FER: variants seen among roughly 807,000 people sequenced by gnomAD.
FER encodes the protein tyrosine-protein kinase Fer.
A neutral mutation model predicts 111.0 loss-of-function variants in FER; 63 were observed. The observed-to-expected ratio is 0.57, with a 90% CI of 0.46 to 0.70. The LOEUF (loss-of-function observed/expected upper bound fraction) is 0.70. Ranked by LOEUF, FER falls within the 30% of genes least tolerant of loss-of-function variation. The pLI, the probability that FER is intolerant of heterozygous loss-of-function variation, is 0.00. For synonymous variants in FER, 327 were observed against 313.9 expected (o/e 1.04, Z -0.44); for missense variants, 914 against 954.0 (o/e 0.96, Z 0.55).
At chr5:108,796,162 T>C (rs771345926) in intron 2 of FER, among the ~76,000 whole-genome samples, 2 of 152,228 alleles carry the variant, frequency 1.3e-5, no homozygotes. Context: ...GGATAAGATC[T>C]GGGAGGATTC....
At chr5:108,782,060 C>G (rs1212829641) in intron 2 of FER, among the ~76,000 whole-genome samples, 1 of 152,058 alleles carries the variant, frequency 6.6e-6, no homozygotes, top group Non-Finnish European at 1.5e-5. Context: ...TGGCACTGAG[C>G]CTTCAGCAGT....
chr5:108,896,310 G>C (rs2150323795), intron 9 of FER, among the ~76,000 whole-genome samples: 1 of 152,194 alleles, frequency 6.6e-6, no homozygotes, highest in East Asian at 1.9e-4. Flanking sequence ...TTTCTTTCAA[G>C]AGATTACTGA....
intron 13 of FER, among the ~76,000 whole-genome samples, chr5:108,986,945 G>T (rs1762639468): frequency 6.6e-6 from 1 of 150,986 alleles, no homozygotes; most frequent in Non-Finnish European, 1.5e-5. Flanking sequence ...TTGCTTCCAT[G>T]TGAGTTTTAG....
At chr5:109,148,166 A>G (rs1043312760) in intron 17 of FER, among the ~76,000 whole-genome samples, 1 of 151,932 alleles carries the variant, frequency 6.6e-6, no homozygotes, top group African/African-American at 2.4e-5. Flanking sequence ...TGCAACTCCA[A>G]CTCTCCAGTG....
intron 6 of FER, among the ~76,000 whole-genome samples, chr5:108,869,974 T>C (rs1401332799): frequency 6.6e-6 from 1 of 152,170 alleles, no homozygotes; most frequent in East Asian, 1.9e-4. Flanking sequence ...AATGTCTAGT[T>C]AAATATTTGA....
At chr5:108,857,415 A>G (rs1442031410) in intron 5 of FER, among the ~76,000 whole-genome samples, 2 of 152,150 alleles carry the variant, frequency 1.3e-5, no homozygotes, top group African/African-American at 4.8e-5. Flanking sequence ...CCATGATGTC[A>G]GTTCATCCCA....
intron 13 of FER, among the ~76,000 whole-genome samples, chr5:108,978,614 C>T (rs896304810): frequency 4.0e-5 from 6 of 151,830 alleles, no homozygotes; most frequent in African/African-American, 1.2e-4. Context: ...TTGTGAAGTC[C>T]GGGAGTATAT....
At chr5:109,136,253 A>G (rs1267713805) in intron 17 of FER, among the ~76,000 whole-genome samples, 2 of 152,062 alleles carry the variant, frequency 1.3e-5, no homozygotes, top group African/African-American at 2.4e-5. Flanking sequence ...AGATCACGCC[A>G]CTGTACTCCA....
intron 16 of FER, among the ~76,000 whole-genome samples, chr5:109,073,845 T>G (rs1470018411): frequency 2.6e-5 from 4 of 152,126 alleles, no homozygotes; most frequent in African/African-American, 4.8e-5. Context: ...GTCAACTATA[T>G]TACACTACAT....
intron 13 of FER, among the ~76,000 whole-genome samples, chr5:108,960,640 G>A (rs1272999264): frequency 6.6e-6 from 1 of 151,900 alleles, no homozygotes; most frequent in Non-Finnish European, 1.5e-5. Context: ...TTTAGTCAAA[G>A]CAATCTATTC....
At chr5:109,140,464 A>G (rs960826792) in intron 17 of FER, among the ~76,000 whole-genome samples, 2 of 152,206 alleles carry the variant, frequency 1.3e-5, no homozygotes, top group Non-Finnish European at 2.9e-5. Context: ...GTGTGTTGCT[A>G]TGAGCCCGTG....
intron 19 of FER, among the ~76,000 whole-genome samples, chr5:109,186,549 C>CCTGT (rs1330830672): frequency 2.0e-5 from 3 of 152,130 alleles, no homozygotes; most frequent in African/African-American, 7.2e-5. Context: ...CCACCCTTTC[C>CCTGT]CTGTCTGGCA....
At chr5:108,779,561 T>A (rs1321210267) in intron 2 of FER, among the ~76,000 whole-genome samples, 2 of 152,150 alleles carry the variant, frequency 1.3e-5, no homozygotes, top group Non-Finnish European at 2.9e-5. Context: ...AATATAAATG[T>A]TGTTGTGTTT....
intron 16 of FER, chr5:109,051,900 G>C (rs747531764): frequency 2.6e-5 from 41 of 1,567,498 alleles, no homozygotes; most frequent in Non-Finnish European, 3.4e-5. Flanking sequence ...GATCTCTTTT[G>C]CAAGTGTGAA....
chr5:108,754,841 T>C (rs1490295575), intron 1 of FER, among the ~76,000 whole-genome samples: 1 of 152,228 alleles, frequency 6.6e-6, no homozygotes, highest in Non-Finnish European at 1.5e-5. Context: ...GTAAAAATGC[T>C]CTTTACATTG....
intron 17 of FER, among the ~76,000 whole-genome samples, chr5:109,114,054 A>C (rs1749944378): frequency 6.6e-6 from 1 of 152,158 alleles, no homozygotes; most frequent in Non-Finnish European, 1.5e-5. Context: ...TTGGTGCTAA[A>C]GTGACATTCT....
chr5:109,102,753 C>T (rs1748409460), intron 17 of FER, among the ~76,000 whole-genome samples: 1 of 151,874 alleles, frequency 6.6e-6, no homozygotes, highest in South Asian at 2.1e-4. Flanking sequence ...TCCTTTGTTC[C>T]TCTTCAGACT....
At chr5:109,051,964 A>C in intron 16 of FER, 2 of 1,589,934 alleles carry the variant, frequency 1.3e-6, no homozygotes, top group Non-Finnish European at 1.7e-6. Context: ...GGTCACCTCA[A>C]AGATAGACTT....
rs1314752598 is a variant in FER at position 109,135,275 on chromosome 5, CA to C, written c.2048+34760del. On this transcript the variant is annotated intron_variant, in intron 17 of 19. Transcript: ENST00000281092. ...TGTATATTCGTTCACTTAATCCTCACAAAATCCTTGAAGGATGTACAATTAT... is the reference window on the plus strand; with the variant it reads ...TGTATATTCGTTCACTTAATCCTCACAAATCCTTGAAGGATGTACAATTAT... 3.9e-5 allele frequency among the ~76,000 whole-genome samples: 6 copies of C among 152,248 alleles called. No individual in the cohort carries two copies. In the East Asian group the frequency reaches 1.2e-3, roughly 29 times the overall value.
Sources: gnomAD v4.1 joint callset for allele counts (sites outside exome capture counted in the v4.1 genomes callset) on GRCh38, gnomAD v4.1.1 for gene constraint, MANE v1.5 for transcripts, NCBI Gene and HGNC (gene_info 2026-07-23, HGNC 2026-07-21) for gene names.